KCNK13: variants seen among roughly 807,000 people sequenced by gnomAD.
The protein encoded by KCNK13 is potassium two pore domain channel subfamily K member 13.
A neutral mutation model predicts 23.4 loss-of-function variants in KCNK13; 12 were observed. The observed-to-expected ratio is 0.51, with a 90% CI of 0.33 to 0.83. The LOEUF (loss-of-function observed/expected upper bound fraction) is 0.83, where lower values mean the gene tolerates loss of function less well. KCNK13 is among the 40% of genes least tolerant of loss of function. The pLI, the probability that KCNK13 is intolerant of heterozygous loss-of-function variation, is 0.02. For missense variants in KCNK13, 463 were observed against 556.3 expected, an observed-to-expected ratio of 0.83 and a Z score of 1.69; for synonymous variants, 231 against 229.5, an observed-to-expected ratio of 1.01 and a Z score of -0.06.
At chr14:90,138,292 A>G (rs1319157316) in intron 1 of KCNK13, among the ~76,000 whole-genome samples, 1 of 152,228 alleles carries the variant, frequency 6.6e-6, no homozygotes, top group Non-Finnish European at 1.5e-5. Flanking sequence ...AATAACTACT[A>G]TTAGGAGTTT....
intron 1 of KCNK13, among the ~76,000 whole-genome samples, chr14:90,155,019 C>T (rs1205834215): frequency 6.6e-6 from 1 of 152,180 alleles, no homozygotes; most frequent in African/African-American, 2.4e-5. Flanking sequence ...CCTAGTGGAA[C>T]ATACATTCTA....
intron 1 of KCNK13, among the ~76,000 whole-genome samples, chr14:90,163,930 G>C (rs1327486381): frequency 6.6e-6 from 1 of 152,124 alleles, no homozygotes; most frequent in African/African-American, 2.4e-5. Context: ...GACCTCAAGT[G>C]ATCCTCTTGC....
At chr14:90,078,518 G>T (rs2140393564) in intron 1 of KCNK13, among the ~76,000 whole-genome samples, 1 of 151,062 alleles carries the variant, frequency 6.6e-6, no homozygotes, top group South Asian at 2.1e-4. Context: ...GAAAAAGAAA[G>T]AATAAAAGGC....
At chr14:90,117,710 G>A (rs964757765) in intron 1 of KCNK13, among the ~76,000 whole-genome samples, 11 of 152,198 alleles carry the variant, frequency 7.2e-5, no homozygotes, top group Non-Finnish European at 1.3e-4. Flanking sequence ...GGGACCACTT[G>A]TATACAATGA....
Position 90,062,450 on chromosome 14 carries a change from C to G in KCNK13, c.245C>G (p.Thr82Ser). The change falls in exon 1 of 2, where the codon ACT becomes AGT. Residue 82 changes from threonine to serine, a missense_variant. Transcript: ENST00000282146. The surrounding 1 kb of genome is among the most constrained non-coding windows in gnomAD (Gnocchi z 4.5). ...TTCCTCCGCCACTACGAGGAGGCCA[C>G]TCGGGCCGGCATCCGCGTGGACAAC... Reference protein sequence around the residue: ...RGFLRHYEEATRAGIRVDNVR... With the variant: ...RGFLRHYEEASRAGIRVDNVR... 1.3e-6 allele frequency: 2 copies of G among 1,546,194 alleles called. No homozygotes were observed. Among genetic ancestry groups the G allele is most frequent in the Non-Finnish European group, 1.7e-6 (2 of 1,145,552 alleles).
intron 1 of KCNK13, among the ~76,000 whole-genome samples, chr14:90,144,350 G>A (rs573362460): frequency 2.0e-5 from 3 of 150,416 alleles, no homozygotes; most frequent in South Asian, 2.2e-4. Context: ...ATTGTCCATC[G>A]CTAATAGATA....
intron 1 of KCNK13, among the ~76,000 whole-genome samples, chr14:90,131,209 A>ATTAT (rs1237557343): frequency 3.2e-4 from 49 of 152,046 alleles, no homozygotes; most frequent in African/African-American, 7.0e-4. Context: ...TGTTATTGTT[A>ATTAT]TTATTTATTT....
At chr14:90,142,202 C>T (rs1890016117) in intron 1 of KCNK13, among the ~76,000 whole-genome samples, 1 of 151,466 alleles carries the variant, frequency 6.6e-6, no homozygotes, top group South Asian at 2.1e-4. Context: ...TGGAATTGCA[C>T]AATATATGTT....
At chr14:90,076,567 T>C (rs1270237753) in intron 1 of KCNK13, among the ~76,000 whole-genome samples, 1 of 152,188 alleles carries the variant, frequency 6.6e-6, no homozygotes, top group Non-Finnish European at 1.5e-5. Context: ...GCGCAAACCA[T>C]GTCAGATTGT....
intron 1 of KCNK13, among the ~76,000 whole-genome samples, chr14:90,119,566 C>T (rs113896065): frequency 0.027 from 4,120 of 152,116 alleles, 191 homozygotes; most frequent in African/African-American, 0.094. Flanking sequence ...CAGAGATATA[C>T]CAGTGCATAC....
intron 1 of KCNK13, among the ~76,000 whole-genome samples, chr14:90,097,867 A>G (rs1233603357): frequency 6.6e-6 from 1 of 152,222 alleles, no homozygotes; most frequent in Non-Finnish European, 1.5e-5. Flanking sequence ...TCATCCAGTT[A>G]TTAGCCATTA....
chr14:90,080,309 A>G (rs1054553718), intron 1 of KCNK13, among the ~76,000 whole-genome samples: 7 of 152,078 alleles, frequency 4.6e-5, no homozygotes, highest in African/African-American at 1.7e-4. Context: ...CAAAAAAATT[A>G]GCCGGGCCTG....
chr14:90,155,624 T>A (rs1042878023), intron 1 of KCNK13, among the ~76,000 whole-genome samples: 1 of 152,160 alleles, frequency 6.6e-6, no homozygotes, highest in Non-Finnish European at 1.5e-5. Flanking sequence ...GTTCTGAATA[T>A]ATTTTGGTAG....
chr14:90,130,536 G>A (rs910362425), intron 1 of KCNK13, among the ~76,000 whole-genome samples: 2 of 151,824 alleles, frequency 1.3e-5, no homozygotes, highest in African/African-American at 4.8e-5. Context: ...GTGTTGGCCG[G>A]GCACAGTCGC....
intron 1 of KCNK13, among the ~76,000 whole-genome samples, chr14:90,109,147 A>C (rs1481538711): frequency 6.6e-6 from 1 of 150,986 alleles, no homozygotes; most frequent in Admixed American, 6.6e-5. Context: ...ACTGCTCTCC[A>C]GCCTGGGTGA....
intron 1 of KCNK13, among the ~76,000 whole-genome samples, chr14:90,098,374 A>G (rs1192153409): frequency 1.3e-5 from 2 of 152,224 alleles, no homozygotes; most frequent in Non-Finnish European, 2.9e-5. Flanking sequence ...AATTTATATA[A>G]CAATATTAAG....
rs145654037 is a variant in KCNK13, at chr14:90,132,402, G to A, written c.335-51709G>A. 6.3e-3 allele frequency among the ~76,000 whole-genome samples: 952 copies of A among 152,176 alleles called. 11 individuals carry two copies. The highest frequency in any genetic ancestry group is 0.022 in the African/African-American group (922 of 41,532). ...CTACTAAAAATACAAAAAATTAGCC[G>A]GTGTGGTGACATATGCCTGTAATCC... On this transcript the variant is annotated intron_variant, in intron 1 of 1. Coordinates refer to ENST00000282146, the MANE Select transcript of KCNK13 (RefSeq NM_022054.4).
intron 1 of KCNK13, among the ~76,000 whole-genome samples, chr14:90,071,890 T>C (rs1458813901): frequency 1.3e-4 from 19 of 149,156 alleles, no homozygotes; most frequent in Non-Finnish European, 1.0e-4. Context: ...AGAGTGAGAC[T>C]CCATCTCAAA....
intron 1 of KCNK13, among the ~76,000 whole-genome samples, chr14:90,112,080 A>G (rs1889621819): frequency 6.6e-6 from 1 of 152,102 alleles, no homozygotes; most frequent in Non-Finnish European, 1.5e-5. Context: ...CCTTAGCACC[A>G]TGTCTGGTCC....
Sources: gnomAD v4.1 joint callset for allele counts (sites outside exome capture counted in the v4.1 genomes callset) on GRCh38, gnomAD v4.1.1 for gene constraint, Gnocchi (gnomAD v3.1) non-coding constraint, MANE v1.5 for transcripts, NCBI Gene and HGNC (gene_info 2026-07-23, HGNC 2026-07-21) for gene names.